The following FAP variants were observed in gnomAD, a reference collection of about 807,000 sequenced individuals.
FAP encodes prolyl endopeptidase FAP.
A neutral mutation model predicts 126.5 loss-of-function variants in FAP; 110 were observed. The ratio of observed to expected loss-of-function variants is 0.87; its 90% confidence interval spans 0.74 to 1.02. The LOEUF (loss-of-function observed/expected upper bound fraction) is 1.02, where lower values mean the gene tolerates loss of function less well. FAP is among the 50% of genes least tolerant of loss of function. The pLI is 0.00. For synonymous variants in FAP, 334 were observed against 297.3 expected (o/e 1.12, Z -1.27); for missense variants, 919 against 909.2 (o/e 1.01, Z -0.14).
intron 11 of FAP, among the ~76,000 whole-genome samples, chr2:162,211,387 C>T (rs1159329758): frequency 6.6e-6 from 1 of 152,146 alleles, no homozygotes; most frequent in East Asian, 1.9e-4. Flanking sequence ...TGTATTAACC[C>T]ACTGAATTAT....
intron 12 of FAP, among the ~76,000 whole-genome samples, chr2:162,204,712 G>A (rs964913000): frequency 5.3e-5 from 8 of 152,256 alleles, no homozygotes; most frequent in South Asian, 4.1e-4. Context: ...TCAGAATGGC[G>A]AGAGAATAAA....
rs184451473 is a variant in FAP at position 162,232,054 on chromosome 2, C to T, written c.92-5433G>A. 7.9e-5 allele frequency among the ~76,000 whole-genome samples: 12 copies of T among 152,086 alleles called. 1 individual carries two copies. Among genetic ancestry groups the T allele is most frequent in the South Asian group, 6.2e-4 (3 of 4,814 alleles). On this transcript the variant is annotated intron_variant, in intron 2 of 25. Coordinates refer to ENST00000188790, the MANE Select transcript of FAP (RefSeq NM_004460.5). ...TATCACACCGGGTTTTGTTTGTTTC[C>T]GGAGTGAGCACCACAGGGGCAAGGA...
chr2:162,204,044 C>G (rs752057934), intron 12 of FAP, among the ~76,000 whole-genome samples: 2 of 152,162 alleles, frequency 1.3e-5, no homozygotes, highest in Admixed American at 6.5e-5. Context: ...AAGAGCTACT[C>G]TACATCATGC....
At chr2:162,237,580 T>A in intron 2 of FAP, among the ~76,000 whole-genome samples, 1 of 152,238 alleles carries the variant, frequency 6.6e-6, no homozygotes. Context: ...ATGTGCCACA[T>A]TTTCTTTATC....
chr2:162,212,343 G>A (rs891487975), intron 11 of FAP, among the ~76,000 whole-genome samples: 2 of 152,100 alleles, frequency 1.3e-5, no homozygotes, highest in Admixed American at 1.3e-4. Context: ...TAAAGATATA[G>A]TCACCCAAAG....
intron 9 of FAP, among the ~76,000 whole-genome samples, chr2:162,216,443 C>T (rs1190503041): frequency 6.6e-6 from 1 of 151,954 alleles, no homozygotes; most frequent in Non-Finnish European, 1.5e-5. Context: ...TTTGCTTTTG[C>T]CATATGATTT....
chr2:162,171,796 A>G (rs1228696986), intron 25 of FAP: 1 of 148,444 alleles, frequency 6.7e-6, no homozygotes, highest in Non-Finnish European at 1.5e-5. Flanking sequence ...TTTGATATAT[A>G]ATAGTTGTGT....
chr2:162,230,325 T>C (rs905054056), intron 2 of FAP, among the ~76,000 whole-genome samples: 2 of 152,212 alleles, frequency 1.3e-5, no homozygotes, highest in Non-Finnish European at 2.9e-5. Flanking sequence ...TTTGTACATA[T>C]GGGTTTTTGT....
At chr2:162,223,771 C>G (rs1689512768) in intron 5 of FAP, 111 bp from the exon 6 acceptor site, 1 of 697,730 alleles carries the variant, frequency 1.4e-6, no homozygotes, top group South Asian at 1.7e-5. Flanking sequence ...AAAAGGACTA[C>G]TTTCACAAGG....
Position 162,173,794 on chromosome 2 carries a change from AAT to A in FAP, c.1970-9_1970-8del, listed in dbSNP as rs746339872. ...CTCTCTGTGTAGACAGACGCTATAA[AAT>A]ATATGAGAATATGCATTGTTTGCAT... On this transcript the variant is annotated splice_polypyrimidine_tract_variant and splice_region_variant and intron_variant, in intron 22 of 25. Transcript: ENST00000188790. The A allele has an allele frequency of 6.5e-7, 1 of 1,540,406 alleles. No individual in the cohort carries two copies. The highest frequency in any genetic ancestry group is 1.7e-5 in the Admixed American group (1 of 59,800).
intron 12 of FAP, among the ~76,000 whole-genome samples, chr2:162,208,438 T>C (rs545748467): frequency 2.5e-4 from 38 of 152,326 alleles, no homozygotes; most frequent in Admixed American, 1.8e-3. Context: ...CACTGCAGCA[T>C]TGTCAAAATA....
At chr2:162,233,761 A>AT (rs772747617) in intron 2 of FAP, among the ~76,000 whole-genome samples, 14 of 152,058 alleles carry the variant, frequency 9.2e-5, no homozygotes, top group Non-Finnish European at 1.8e-4. Flanking sequence ...TGTTTCTTGC[A>AT]TTTTTGGTCA....
intron 17 of FAP, among the ~76,000 whole-genome samples, chr2:162,192,283 C>A (rs1688075068): frequency 6.6e-6 from 1 of 152,072 alleles, no homozygotes; most frequent in South Asian, 2.1e-4. Context: ...AAGCTAATGT[C>A]AATCTCCCTC....
chr2:162,172,607 G>A (rs534151081), intron 25 of FAP: 33 of 520,128 alleles, frequency 6.3e-5, no homozygotes, highest in African/African-American at 6.1e-4. Context: ...ACTCAACTGG[G>A]AACACGAGAG....
chr2:162,190,738 C>T (rs1688015403), intron 17 of FAP, among the ~76,000 whole-genome samples: 1 of 152,008 alleles, frequency 6.6e-6, no homozygotes. Flanking sequence ...AAAAGATGTC[C>T]ATGGACTTCT....
intron 11 of FAP, 95 bp from the exon 12 acceptor site, chr2:162,210,091 C>A: frequency 1.0e-6 from 1 of 993,412 alleles, no homozygotes; most frequent in South Asian, 1.4e-5. Flanking sequence ...GCTGCCTGAT[C>A]AGAGTATACC....
intron 20 of FAP, 63 bp from the exon 21 acceptor site, chr2:162,183,531 C>T (rs1243213941): frequency 2.2e-6 from 2 of 919,012 alleles, no homozygotes; most frequent in African/African-American, 1.7e-5. Flanking sequence ...TACTTCATTA[C>T]ACAACCATAT....
At chr2:162,236,317 T>A (rs1487188925) in intron 2 of FAP, among the ~76,000 whole-genome samples, 1 of 152,200 alleles carries the variant, frequency 6.6e-6, no homozygotes, top group Non-Finnish European at 1.5e-5. Context: ...TAATACCTTA[T>A]AGAATGAGTT....
chr2:162,212,560 G>A (rs1216570099), intron 11 of FAP, among the ~76,000 whole-genome samples: 1 of 152,126 alleles, frequency 6.6e-6, no homozygotes, highest in Non-Finnish European at 1.5e-5. Context: ...AATATTTTTA[G>A]CCTGAGTAAT....
Sources: gnomAD v4.1 joint callset for allele counts (sites outside exome capture counted in the v4.1 genomes callset) on GRCh38, gnomAD v4.1.1 for gene constraint, MANE v1.5 for transcripts, NCBI Gene and HGNC (gene_info 2026-07-23, HGNC 2026-07-21) for gene names.